Variants in CADM2 observed in about 807,000 individuals in gnomAD.
CADM2 encodes the protein cell adhesion molecule 2.
In CADM2, 12 loss-of-function variants were observed where a neutral mutation model predicts 49.8. The ratio of observed to expected loss-of-function variants is 0.24; its 90% CI spans 0.15 to 0.39. The LOEUF is 0.39. Ranked by LOEUF, CADM2 falls within the 10% of genes least tolerant of loss-of-function variation. The pLI, the probability that CADM2 is intolerant of heterozygous loss-of-function variation, is 1.00. For missense variants in CADM2, 378 were observed against 492.3 expected, an observed-to-expected ratio of 0.77 and a Z score of 2.20; for synonymous variants, 214 against 175.4, an observed-to-expected ratio of 1.22 and a Z score of -1.74.
intron 1 of CADM2, among the ~76,000 whole-genome samples, chr3:85,011,818 A>G (rs977996111): frequency 6.6e-6 from 1 of 152,044 alleles, no homozygotes; most frequent in East Asian, 1.9e-4. Flanking sequence ...TGATCCCAGG[A>G]GTGGCTGCAT....
chr3:85,379,328 C>A (rs145314796), intron 1 of CADM2, among the ~76,000 whole-genome samples: 1 of 151,922 alleles, frequency 6.6e-6, no homozygotes, highest in African/African-American at 2.4e-5. Flanking sequence ...AAGTGTAATG[C>A]TATTTGTTTT....
intron 1 of CADM2, among the ~76,000 whole-genome samples, chr3:85,215,866 C>T (rs778536204): frequency 6.6e-6 from 1 of 152,004 alleles, no homozygotes; most frequent in Non-Finnish European, 1.5e-5. Flanking sequence ...AGTTGTGCTG[C>T]AAAATCTGAC....
At chr3:85,071,019 T>TAAATAAATAAATAAACAAAC (rs1052439937) in intron 1 of CADM2, among the ~76,000 whole-genome samples, 4 of 149,676 alleles carry the variant, frequency 2.7e-5, no homozygotes, top group African/African-American at 9.8e-5. Flanking sequence ...AATAAATAAA[T>TAAATAAATAAATAAACAAAC]AAACAAATAA....
chr3:85,518,066 G>C (rs1185519142), intron 1 of CADM2, among the ~76,000 whole-genome samples: 2 of 152,144 alleles, frequency 1.3e-5, no homozygotes, highest in South Asian at 2.1e-4. Context: ...GAGTGCAGTG[G>C]CACAATCTCA....
intron 1 of CADM2, among the ~76,000 whole-genome samples, chr3:85,028,047 A>G (rs2034813362): frequency 6.6e-6 from 1 of 152,180 alleles, no homozygotes; most frequent in African/African-American, 2.4e-5. Context: ...GAGATAGAAA[A>G]AAACCCAAAC....
chr3:85,481,700 T>C (rs1183896487), intron 1 of CADM2, among the ~76,000 whole-genome samples: 1 of 151,646 alleles, frequency 6.6e-6, no homozygotes, highest in Non-Finnish European at 1.5e-5. Flanking sequence ...CCTAGCACAA[T>C]GTCAGATTCT....
At chr3:85,279,294 A>G (rs1053064676) in intron 1 of CADM2, among the ~76,000 whole-genome samples, 2 of 151,540 alleles carry the variant, frequency 1.3e-5, no homozygotes, top group African/African-American at 2.4e-5. Context: ...CTTTGAGTAC[A>G]TTGTAATAGT....
chr3:85,102,596 A>T (rs1248592630), intron 1 of CADM2, among the ~76,000 whole-genome samples: 1 of 152,176 alleles, frequency 6.6e-6, no homozygotes, highest in Non-Finnish European at 1.5e-5. Context: ...ATAATATTGA[A>T]GATTTGAGAA....
chr3:85,159,412 G>T (rs943909084), intron 1 of CADM2, among the ~76,000 whole-genome samples: 3 of 152,146 alleles, frequency 2.0e-5, no homozygotes, highest in Non-Finnish European at 4.4e-5. Flanking sequence ...GGAAATTAGG[G>T]TTGTAGACTG....
chr3:85,885,401 G>A (rs956634921), intron 4 of CADM2, among the ~76,000 whole-genome samples: 8 of 151,554 alleles, frequency 5.3e-5, no homozygotes, highest in African/African-American at 1.5e-4. Context: ...GGCCAGGCAC[G>A]GTGGCTCATG....
chr3:85,291,422 C>A (rs1223467139), intron 1 of CADM2, among the ~76,000 whole-genome samples: 2 of 150,188 alleles, frequency 1.3e-5, no homozygotes, highest in African/African-American at 5.1e-5. Context: ...CGTTCAGATT[C>A]AGGAAATACA....
In CADM2 at chr3:85,162,566, TA is replaced by T. The variant is rs1003037626; in HGVS notation, c.61+202906del. Among the ~76,000 whole-genome samples the T allele has an allele frequency of 2.0e-4, 30 of 151,808 alleles. No homozygotes were observed. The South Asian group carries it at 2.3e-3, about 12-fold the overall frequency. On this transcript the variant is annotated intron_variant, in intron 1 of 9. Transcript: ENST00000383699. ...AAGTCAGCTGAAAGATGTCTACCAT[TA>T]AAAAAAATAATATATGGTTGAGGTT... is the stretch of plus-strand genomic sequence containing the variant.
chr3:85,451,141 T>C (rs1336905124), intron 1 of CADM2, among the ~76,000 whole-genome samples: 4 of 152,064 alleles, frequency 2.6e-5, no homozygotes, highest in Non-Finnish European at 5.9e-5. Context: ...TATTCACATC[T>C]AGAGAAAAAT....
At chr3:85,727,234 C>CT (rs1439145273) in intron 2 of CADM2, among the ~76,000 whole-genome samples, 2 of 152,130 alleles carry the variant, frequency 1.3e-5, no homozygotes, top group Admixed American at 6.6e-5. Context: ...ATTTAAAAAT[C>CT]TTTTTTGCTT....
intron 1 of CADM2, among the ~76,000 whole-genome samples, chr3:85,056,604 T>G (rs2036088661): frequency 6.6e-6 from 1 of 152,092 alleles, no homozygotes; most frequent in Non-Finnish European, 1.5e-5. Flanking sequence ...TTGCAAAGCA[T>G]TGTTTGGCCC....
chr3:85,321,177 G>A (rs2044603887), intron 1 of CADM2, among the ~76,000 whole-genome samples: 1 of 85,012 alleles, frequency 1.2e-5, no homozygotes, highest in Non-Finnish European at 2.2e-5. Flanking sequence ...GCGAGAGAGA[G>A]AAAGAAAGAG....
chr3:85,121,765 C>G (rs545027638), intron 1 of CADM2, among the ~76,000 whole-genome samples: 1 of 152,282 alleles, frequency 6.6e-6, no homozygotes, highest in South Asian at 2.1e-4. Flanking sequence ...TCCCTAACTA[C>G]AGTAGTCATT....
intron 1 of CADM2, among the ~76,000 whole-genome samples, chr3:85,000,642 A>G (rs1576005983): frequency 6.6e-6 from 1 of 152,222 alleles, no homozygotes; most frequent in South Asian, 2.1e-4. Flanking sequence ...CTCTTGGTTC[A>G]ACATTCTGCA....
At chr3:85,923,665 A>G (rs1371773741) in intron 6 of CADM2, among the ~76,000 whole-genome samples, 3 of 152,290 alleles carry the variant, frequency 2.0e-5, no homozygotes, top group South Asian at 2.1e-4. Context: ...CTATAAGCAC[A>G]TAAGGATTAG....
Sources: allele counts gnomAD v4.1 joint callset (sites outside exome capture counted in the v4.1 genomes callset), GRCh38; gene constraint gnomAD v4.1.1; transcripts MANE v1.5; gene names NCBI Gene and HGNC (gene_info 2026-07-23, HGNC 2026-07-21).